Variants in HPSE observed in about 807,000 individuals in gnomAD.
The protein encoded by HPSE is heparanase.
Under a neutral mutation model 65.1 loss-of-function variants are expected in HPSE, and 48 were observed. That is an observed-to-expected ratio of 0.74 (90% CI 0.58 to 0.94). HPSE has a LOEUF of 0.94. Among genes scored for constraint, HPSE ranks in the 40% least tolerant of loss-of-function variants. The pLI is 0.00. For synonymous variants in HPSE, 243 were observed against 260.0 expected (o/e 0.93, Z 0.63); for missense variants, 644 against 637.5 (o/e 1.01, Z -0.11).
intron 10 of HPSE, among the ~76,000 whole-genome samples, 199 bp downstream of exon 10, chr4:83,301,951 G>A (rs774738111): frequency 1.1e-4 from 16 of 151,944 alleles, no homozygotes; most frequent in South Asian, 8.3e-4. Context: ...GCGAGGCCCC[G>A]TCTCAAAAAA....
intron 3 of HPSE, 103 bp downstream of exon 3, chr4:83,319,241 G>T: frequency 8.6e-7 from 1 of 1,167,148 alleles, no homozygotes; most frequent in Non-Finnish European, 1.2e-6. Flanking sequence ...AGTATTTTCA[G>T]CTTTATACAA....
At chr4:83,321,984 C>T (rs1302524481) in intron 2 of HPSE, among the ~76,000 whole-genome samples, 6 of 101,736 alleles carry the variant, frequency 5.9e-5, no homozygotes, top group Admixed American at 1.4e-4. Flanking sequence ...ATATCCAGGA[C>T]GCCTTTTTTT....
In HPSE at chr4:83,310,038, A is replaced by G; in HGVS notation, c.883T>C (p.Trp295Arg). ...AATAGGAGACATACTTACTGATGCC[A>G]TGTAACTGAATCAATCACTTCTCCA... ...AGGEVIDSVT[W>R]HHYYLNGRTA... is the part of the protein sequence containing the mutation. The change falls in exon 6 of 12, where the codon TGG becomes CGG. Residue 295 changes from tryptophan to arginine, a missense_variant. Physicochemically the swap from Trp to Arg is moderately radical, Grantham distance 101. Coordinates refer to ENST00000311412, the MANE Select transcript of HPSE (RefSeq NM_001098540.3). 6.2e-7 allele frequency: 1 copy of G among 1,609,842 alleles called. No individual in the cohort carries two copies. The highest frequency in any genetic ancestry group is 8.5e-7 in the Non-Finnish European group (1 of 1,177,002).
rs1000477521 is a variant in HPSE, at chr4:83,326,787, G to A, written c.228-4423C>T. Among the ~76,000 whole-genome samples, 1 of 152,138 alleles carries A rather than the reference G, an allele frequency of 6.6e-6. No individual in the cohort carries two copies. Among genetic ancestry groups the A allele is most frequent in the African/African-American group, 2.4e-5 (1 of 41,424 alleles). On this transcript the variant is annotated intron_variant, in intron 1 of 11. Transcript: ENST00000311412. This position sits in a 1 kb window ranked among gnomAD's most constrained non-coding sequence, Gnocchi z 4.2. ...ATTCTGTTCCTTGGCATTTTGATTGGGTTTGATGATAGAGGAACCTCATTT... is the reference window on the plus strand; with the variant it reads ...ATTCTGTTCCTTGGCATTTTGATTGAGTTTGATGATAGAGGAACCTCATTT...
chr4:83,322,555 C>T (rs1017493887), intron 1 of HPSE, among the ~76,000 whole-genome samples, 191 bp from the exon 2 acceptor site: 6 of 151,892 alleles, frequency 4.0e-5, no homozygotes, highest in South Asian at 2.1e-4. Flanking sequence ...TGCAGTGGCG[C>T]GATCTCACTT....
rs1292739698 is a variant in HPSE at position 83,294,698 on chromosome 4, T to G, written c.*646A>C. On this transcript the variant is annotated 3_prime_UTR_variant, in exon 12 of 12. Coordinates refer to ENST00000311412, the MANE Select transcript of HPSE (RefSeq NM_001098540.3). ...GACTTGAGCCCAGGAGTTAAAAGGC[T>G]GCAGTGATCTATGATTGCACCACTG... 1 of 152,292 alleles carries G rather than the reference T, an allele frequency of 6.6e-6. No individual in the cohort carries two copies. Among genetic ancestry groups the G allele is most frequent in the African/African-American group, 2.4e-5 (1 of 41,470 alleles). The allele number at this position is 152,292 out of a possible 1,614,324, so 9.4% of individuals were successfully genotyped here. A position where few individuals can be genotyped will look rare whatever the true frequency, so the allele number is the denominator to read the frequency against.
intron 11 of HPSE, among the ~76,000 whole-genome samples, chr4:83,298,195 T>C (rs1295209559): frequency 6.6e-6 from 1 of 152,122 alleles, no homozygotes; most frequent in African/African-American, 2.4e-5. Context: ...CTGAAGTCAA[T>C]AACATGACGA....
chr4:83,310,094 T>C lies in HPSE; in HGVS notation c.843-16A>G, dbSNP rs377096811. On this transcript the variant is annotated splice_polypyrimidine_tract_variant and intron_variant, in intron 5 of 11. Transcript: ENST00000311412. ...CTTCAGGAAGCTAGAAAAAAAATTT[T>C]ATTATCACTCAGTCATATAATACAT... 39 of 1,583,952 alleles carry C rather than the reference T, an allele frequency of 2.5e-5. No homozygotes were observed. The highest frequency in any genetic ancestry group is 1.7e-4 in the Middle Eastern group (1 of 6,000).
At chr4:83,316,847 T>G (rs991073833) in intron 3 of HPSE, among the ~76,000 whole-genome samples, 1 of 152,224 alleles carries the variant, frequency 6.6e-6, no homozygotes, top group Non-Finnish European at 1.5e-5. Context: ...AAAACTTACC[T>G]GTATCTTCTG....
Position 83,295,447 on chromosome 4 carries a change from G to T in HPSE, c.1529C>A (p.Pro510His), listed in dbSNP as rs772349039. Reference sequence around the variant, plus strand: ...TGGCCGGAGAGGTTTTTCCATTAAAGGTGGCAAGGTTTGATCATCCACCAT... The same window carrying T: ...TGGCCGGAGAGGTTTTTCCATTAAATGTGGCAAGGTTTGATCATCCACCAT... Reference protein sequence around the residue: ...LKMVDDQTLPPLMEKPLRPGS... With the variant: ...LKMVDDQTLPHLMEKPLRPGS... Residue 510 changes from proline to histidine, a missense_variant, in exon 12 of 12, where the codon CCT (proline) becomes CAT (histidine). Pro to His is a moderately conservative substitution (Grantham distance 77). Transcript: ENST00000311412. 1.9e-6 allele frequency: 3 copies of T among 1,613,026 alleles called. No homozygotes were observed. Among genetic ancestry groups the T allele is most frequent in the Non-Finnish European group, 2.5e-6 (3 of 1,179,288 alleles).
At chr4:83,299,985 G>A (rs536816149) in intron 11 of HPSE, among the ~76,000 whole-genome samples, 95 of 152,272 alleles carry the variant, frequency 6.2e-4, no homozygotes, top group African/African-American at 2.1e-3. Flanking sequence ...TTACAGGCAT[G>A]AGCCACTGCG....
Position 83,300,963 on chromosome 4 carries a change from G to A in HPSE, c.1469C>T (p.Ser490Phe), listed in dbSNP as rs1158864479. The change falls in exon 11 of 12, where the codon TCC (serine) becomes TTC (phenylalanine). Residue 490 changes from serine (S) to phenylalanine (F), a missense_variant. Transcript: ENST00000311412. ...ATGAACAAGGAAAATTACTTACTTGGAAAGTAATCCATGAGGTCCCAAAGG... is the reference window on the plus strand; with the variant it reads ...ATGAACAAGGAAAATTACTTACTTGAAAAGTAATCCATGAGGTCCCAAAGG... ...LRPLGPHGLL[S>F]KSVQLNGLTL... 1.3e-6 allele frequency: 2 copies of A among 1,581,440 alleles called. No individual in the cohort carries two copies. The highest frequency in any genetic ancestry group is 1.7e-6 in the Non-Finnish European group (2 of 1,165,216).
rs1252128661 is a variant in HPSE at position 83,300,972 on chromosome 4, C to A, written c.1460G>T (p.Gly487Val). The A allele has an allele frequency of 2.5e-6, 4 of 1,587,234 alleles. No individual in the cohort carries two copies. The highest frequency in any genetic ancestry group is 1.4e-5 in the African/African-American group (1 of 73,164). ...GAAAATTACTTACTTGGAAAGTAAT[C>A]CATGAGGTCCCAAAGGTCTTAGAAG... The part of the protein sequence containing the change: ...KYLLRPLGPH[G>V]LLSKSVQLNG... Residue 487 changes from glycine to valine, a missense_variant, in exon 11 of 12, where the codon GGA becomes GTA. Gly to Val is a moderately radical substitution (Grantham distance 109). Transcript: ENST00000311412.
At chr4:83,331,490 GT>G (rs986987769) in intron 1 of HPSE, among the ~76,000 whole-genome samples, 2 of 152,192 alleles carry the variant, frequency 1.3e-5, no homozygotes, top group Admixed American at 1.3e-4. Flanking sequence ...ATTGGACAGT[GT>G]TGATTTAGGG....
chr4:83,308,458 T>C (rs1736234604), intron 8 of HPSE, among the ~76,000 whole-genome samples: 2 of 152,162 alleles, frequency 1.3e-5, no homozygotes, highest in South Asian at 2.1e-4. Context: ...CATAACTCAC[T>C]GCAGCCTCAA....
At chr4:83,308,133 C>T (rs914051344) in intron 8 of HPSE, among the ~76,000 whole-genome samples, 2 of 150,258 alleles carry the variant, frequency 1.3e-5, no homozygotes, top group Admixed American at 6.6e-5. Flanking sequence ...TGTGGCCGGG[C>T]GTGGTGGCTC....
At chr4:83,319,281 G>C (rs192748950) in intron 3 of HPSE, 63 bp downstream of exon 3, 2 of 1,540,934 alleles carry the variant, frequency 1.3e-6, no homozygotes, top group Non-Finnish European at 1.8e-6. Flanking sequence ...ATTGGTGCCC[G>C]AGTCCAACCT....
At chr4:83,322,839 T>TGTGTGTGTGTGTG (rs1736977288) in intron 1 of HPSE, among the ~76,000 whole-genome samples, 1 of 64,098 alleles carries the variant, frequency 1.6e-5, no homozygotes, top group Admixed American at 1.5e-4. Flanking sequence ...GTGTGTGTGT[T>TGTGTGTGTGTGTG]TGTGTGTGGA....
chr4:83,325,319 C>G (rs1345942964), intron 1 of HPSE, among the ~76,000 whole-genome samples: 1 of 152,054 alleles, frequency 6.6e-6, no homozygotes, highest in South Asian at 2.1e-4. Flanking sequence ...GCACCCACCA[C>G]CATGCCCAGC....
Sources: allele counts gnomAD v4.1 joint callset (sites outside exome capture counted in the v4.1 genomes callset), GRCh38; gene constraint gnomAD v4.1.1; non-coding constraint Gnocchi (gnomAD v3.1); transcripts MANE v1.5; gene names NCBI Gene and HGNC (gene_info 2026-07-23, HGNC 2026-07-21).